Variants in CASK observed in about 807,000 individuals in gnomAD.
CASK encodes peripheral plasma membrane protein CASK.
In CASK, 4 loss-of-function variants were observed where a neutral mutation model predicts 82.9. The observed-to-expected ratio is 0.05, with a 90% CI of 0.02 to 0.11. The LOEUF (loss-of-function observed/expected upper bound fraction) is 0.11, where lower values mean the gene tolerates loss of function less well. Among genes scored for constraint, CASK ranks in the 10% least tolerant of loss-of-function variants. The pLI, the probability that CASK is intolerant of heterozygous loss-of-function variation, is 1.00. For missense variants in CASK, 358 were observed against 720.9 expected (o/e 0.50, Z 5.76); for synonymous variants, 259 against 253.5 (o/e 1.02, Z -0.20).
At chrX:41,721,174 G>A (rs1487578284) in intron 5 of CASK, among the ~76,000 whole-genome samples, 1 of 110,955 alleles carries the variant, frequency 9.0e-6, no homozygotes, top group Non-Finnish European at 1.9e-5. Flanking sequence ...CAAGATGAAT[G>A]AGAACCAAAG....
At chrX:41,814,087 C>G (rs1464106508) in intron 2 of CASK, among the ~76,000 whole-genome samples, 5 of 111,872 alleles carry the variant, frequency 4.5e-5, no homozygotes, top group East Asian at 5.6e-4. Flanking sequence ...AAAATGTCAG[C>G]AAACAACAGG....
At chrX:41,776,353 G>T (rs112002675) in intron 3 of CASK, among the ~76,000 whole-genome samples, 2 of 112,624 alleles carry the variant, frequency 1.8e-5, no homozygotes, top group South Asian at 7.2e-4. Flanking sequence ...TAGGATGCAT[G>T]ACTGCATATG....
chrX:41,875,751 A>G (rs1244130178), intron 1 of CASK, among the ~76,000 whole-genome samples: 1 of 111,649 alleles, frequency 9.0e-6, no homozygotes. Context: ...AATAGTGGAA[A>G]CCATGATTAA....
intron 12 of CASK, among the ~76,000 whole-genome samples, chrX:41,597,035 A>G (rs1349412212): frequency 8.9e-6 from 1 of 112,503 alleles, no homozygotes; most frequent in Non-Finnish European, 1.9e-5. Flanking sequence ...CATTCAAAGC[A>G]CTAAATCAAG....
At chrX:41,747,975 G>A (rs1397964119) in intron 3 of CASK, among the ~76,000 whole-genome samples, 5 of 111,926 alleles carry the variant, frequency 4.5e-5, no homozygotes, top group Non-Finnish European at 7.5e-5. Flanking sequence ...GAAAAGAAAC[G>A]CTATTTTAAA....
chrX:41,548,218 G>A (rs1423591085), intron 21 of CASK, among the ~76,000 whole-genome samples: 3 of 111,281 alleles, frequency 2.7e-5, no homozygotes, highest in Non-Finnish European at 3.8e-5. Context: ...CTAGTGGATC[G>A]GCTGATTGGT....
intron 5 of CASK, among the ~76,000 whole-genome samples, chrX:41,733,148 C>A (rs1434446588): frequency 3.5e-4 from 32 of 91,070 alleles, no homozygotes; most frequent in Non-Finnish European, 5.7e-4. Context: ...TGCACTCCAA[C>A]CTGGGCAACA....
intron 3 of CASK, among the ~76,000 whole-genome samples, chrX:41,763,641 G>A (rs1319357075): frequency 9.0e-6 from 1 of 111,561 alleles, no homozygotes; most frequent in Non-Finnish European, 1.9e-5. Flanking sequence ...CAGCCTGGGA[G>A]ACAGAGTGGG....
chrX:41,596,515 T>C (rs1265096493), intron 12 of CASK, among the ~76,000 whole-genome samples: 1 of 112,301 alleles, frequency 8.9e-6, no homozygotes, highest in African/African-American at 3.2e-5. Context: ...TTTGAAGGTA[T>C]CAGGTGTATT....
rs35045589 is a variant in CASK at position 41,749,376 on chromosome X, A to ATTTTTTTTTT, written c.279-3785_279-3776dup. 4.1e-5 allele frequency among the ~76,000 whole-genome samples: 3 copies of ATTTTTTTTTT among 72,385 alleles called. 1 individual carries two copies. The highest frequency in any genetic ancestry group is 3.2e-4 in the Admixed American group (2 of 6,278). The allele number at this position is 72,385 out of a possible 115,157, so 62.9% of individuals were successfully genotyped here. A position where few individuals can be genotyped will look rare whatever the true frequency, so the allele number is the denominator to read the frequency against. On this transcript the variant is annotated intron_variant, in intron 3 of 26. Transcript: ENST00000378163. ...AAAAAAATCTCATTATTCTTCACCA[A>ATTTTTTTTTT]TTTTTTTTTTTTTTTTTTTTTTTTT...
At chrX:41,749,712 T>C (rs1432112932) in intron 3 of CASK, among the ~76,000 whole-genome samples, 1 of 110,790 alleles carries the variant, frequency 9.0e-6, no homozygotes, top group African/African-American at 3.3e-5. Context: ...TTATGATTTT[T>C]TTCTTCCCAG....
intron 3 of CASK, among the ~76,000 whole-genome samples, chrX:41,762,140 G>T (rs773368819): frequency 8.9e-6 from 1 of 112,032 alleles, no homozygotes; most frequent in South Asian, 3.7e-4. Flanking sequence ...AAGGTCACAT[G>T]GTTACAAAGT....
chrX:41,623,258 A>C (rs1175622364), intron 10 of CASK, among the ~76,000 whole-genome samples: 1 of 112,094 alleles, frequency 8.9e-6, no homozygotes, highest in Admixed American at 9.5e-5. Flanking sequence ...ATAATGTATG[A>C]ATTTCAATAA....
chrX:41,905,088 G>A (rs1235040528), intron 1 of CASK, among the ~76,000 whole-genome samples: 1 of 111,730 alleles, frequency 9.0e-6, no homozygotes, highest in Non-Finnish European at 1.9e-5. Context: ...TTTTATAGTT[G>A]AATGATATTC....
chrX:41,611,628 T>C lies in CASK; in HGVS notation c.1034-1603A>G, dbSNP rs868237558. On this transcript the variant is annotated intron_variant, in intron 11 of 26. Coordinates refer to ENST00000378163, the MANE Select transcript of CASK (RefSeq NM_001367721.1). Reference sequence around the variant, plus strand: ...CCCTCTCCCTCTCCCTCTCCCTCTCTCTCTCCCTCTCCCTCTCTCTCTCCC... The same window carrying C: ...CCCTCTCCCTCTCCCTCTCCCTCTCCCTCTCCCTCTCCCTCTCTCTCTCCC... Among the ~76,000 whole-genome samples, 78 of 48,112 alleles carry C rather than the reference T, an allele frequency of 1.6e-3. 1 individual carries two copies. Among genetic ancestry groups the C allele is most frequent in the Middle Eastern group, 0.01 (1 of 97 alleles). 41.8% of individuals were successfully genotyped at this position (48,112 alleles called of 115,157 possible). A position where few individuals can be genotyped will look rare whatever the true frequency, so the allele number is the denominator to read the frequency against.
At chrX:41,575,632 T>A (rs930734859) in intron 15 of CASK, among the ~76,000 whole-genome samples, 1 of 110,982 alleles carries the variant, frequency 9.0e-6, no homozygotes, top group Admixed American at 9.6e-5. Context: ...TTGCAGAGGG[T>A]CTGAAAAACA....
intron 25 of CASK, among the ~76,000 whole-genome samples, chrX:41,528,575 G>A (rs747007099): frequency 1.5e-4 from 17 of 112,362 alleles, no homozygotes; most frequent in Non-Finnish European, 2.8e-4. Context: ...TGTACAATGA[G>A]GAAGGAATTT....
intron 8 of CASK, among the ~76,000 whole-genome samples, chrX:41,646,545 C>T (rs1447849823): frequency 9.0e-6 from 1 of 111,111 alleles, no homozygotes; most frequent in African/African-American, 3.3e-5. Flanking sequence ...CCATTCTGAG[C>T]CCAGAACACC....
chrX:41,688,602 T>C (rs2067485059), intron 5 of CASK, among the ~76,000 whole-genome samples: 1 of 112,129 alleles, frequency 8.9e-6, no homozygotes, highest in South Asian at 3.6e-4. Flanking sequence ...GCTAAAATAA[T>C]GTACAGATGA....
Sources: allele counts gnomAD v4.1 joint callset (sites outside exome capture counted in the v4.1 genomes callset), GRCh38; gene constraint gnomAD v4.1.1; transcripts MANE v1.5; gene names NCBI Gene and HGNC (gene_info 2026-07-23, HGNC 2026-07-21).